Variants in CERS6 observed in about 807,000 individuals in gnomAD.
The protein encoded by CERS6 is ceramide synthase 6, also known as LAG1 homolog, ceramide synthase 6.
A neutral mutation model predicts 56.8 loss-of-function variants in CERS6; 26 were observed. The observed-to-expected ratio is 0.46, with a 90% CI of 0.34 to 0.63. The LOEUF (loss-of-function observed/expected upper bound fraction) is 0.63, where lower values mean the gene tolerates loss of function less well. Among genes scored for constraint, CERS6 ranks in the 30% least tolerant of loss-of-function variants. CERS6 has a pLI of 0.01. For missense variants in CERS6, 415 were observed against 467.5 expected, an observed-to-expected ratio of 0.89 and a Z score of 1.04; for synonymous variants, 164 against 173.3, an observed-to-expected ratio of 0.95 and a Z score of 0.42.
intron 1 of CERS6, among the ~76,000 whole-genome samples, chr2:168,512,669 CTTT>C (rs35756766): frequency 3.1e-5 from 4 of 131,016 alleles, no homozygotes; most frequent in Admixed American, 7.6e-5. Flanking sequence ...ATTTTCTTTT[CTTT>C]TTTTTTTTTT....
intron 3 of CERS6, among the ~76,000 whole-genome samples, chr2:168,587,438 C>A (rs1683570430): frequency 2.0e-5 from 3 of 152,166 alleles, no homozygotes; most frequent in Admixed American, 2.0e-4. Flanking sequence ...TACACCAATT[C>A]AGGAGCCAGA....
intron 3 of CERS6, among the ~76,000 whole-genome samples, chr2:168,574,791 G>T (rs1455954257): frequency 6.6e-6 from 1 of 152,140 alleles, no homozygotes; most frequent in Non-Finnish European, 1.5e-5. Context: ...GTATACATTA[G>T]TACCATGCCT....
intron 2 of CERS6, among the ~76,000 whole-genome samples, chr2:168,551,398 C>G (rs182616877): frequency 3.3e-5 from 5 of 152,254 alleles, no homozygotes; most frequent in Admixed American, 2.6e-4. Context: ...CCAGTTACAC[C>G]TGGATATTTG....
chr2:168,548,694 C>T (rs1695510395), intron 2 of CERS6, among the ~76,000 whole-genome samples: 1 of 152,216 alleles, frequency 6.6e-6, no homozygotes, highest in African/African-American at 2.4e-5. Context: ...TACTAGCTAT[C>T]TCGTCTTACA....
intron 8 of CERS6, among the ~76,000 whole-genome samples, chr2:168,739,993 GC>G (rs374984438): frequency 1.1e-4 from 16 of 152,018 alleles, no homozygotes; most frequent in African/African-American, 3.9e-4. Context: ...GAGTCACTGC[GC>G]CCAGCCTGGA....
chr2:168,477,206 A>G (rs949594839), intron 1 of CERS6, among the ~76,000 whole-genome samples: 1 of 148,022 alleles, frequency 6.8e-6, no homozygotes, highest in Non-Finnish European at 1.5e-5. Context: ...AGAGAGAGAG[A>G]GAGAGAGAGA....
chr2:168,697,384 A>G (rs1003695963), intron 6 of CERS6, among the ~76,000 whole-genome samples: 32 of 152,178 alleles, frequency 2.1e-4, no homozygotes, highest in African/African-American at 7.7e-4. Context: ...TCTGTCCTAC[A>G]TGAGGGAGCC....
At chr2:168,663,779 AT>A (rs898855803) in intron 4 of CERS6, among the ~76,000 whole-genome samples, 4 of 151,430 alleles carry the variant, frequency 2.6e-5, no homozygotes, top group African/African-American at 9.7e-5. Context: ...TTTAAAAAAA[AT>A]CTCTAAATTT....
intron 1 of CERS6, among the ~76,000 whole-genome samples, chr2:168,467,171 G>T (rs954360302): frequency 6.6e-6 from 1 of 152,212 alleles, no homozygotes; most frequent in African/African-American, 2.4e-5. Flanking sequence ...AGTTAAGAGT[G>T]GGGGAGGGTG....
intron 3 of CERS6, among the ~76,000 whole-genome samples, chr2:168,606,652 A>G (rs80244886): frequency 0.03 from 4,503 of 152,202 alleles, 199 homozygotes; most frequent in African/African-American, 0.097. Flanking sequence ...TGTGAGAAAA[A>G]CATGAGATTT....
At chr2:168,752,787 G>T (rs1684312885) in intron 8 of CERS6, among the ~76,000 whole-genome samples, 1 of 152,210 alleles carries the variant, frequency 6.6e-6, no homozygotes, top group South Asian at 2.1e-4. Flanking sequence ...TCAAGGCCTT[G>T]TATCCTTCAT....
intron 4 of CERS6, among the ~76,000 whole-genome samples, chr2:168,654,547 A>C (rs1685422941): frequency 6.6e-6 from 1 of 151,886 alleles, no homozygotes; most frequent in African/African-American, 2.4e-5. Context: ...CTGTCTCAAA[A>C]AAACAAAACA....
intron 1 of CERS6, among the ~76,000 whole-genome samples, chr2:168,489,921 T>C (rs193140212): frequency 1.3e-5 from 2 of 152,312 alleles, no homozygotes; most frequent in Admixed American, 6.5e-5. Context: ...GTGTATGTTA[T>C]GTGGTATAGA....
At chr2:168,530,395 C>T (rs553518618) in intron 1 of CERS6, among the ~76,000 whole-genome samples, 4 of 152,332 alleles carry the variant, frequency 2.6e-5, no homozygotes, top group African/African-American at 9.6e-5. Context: ...TGTAATTTTA[C>T]AAGTACCACA....
At chr2:168,601,359 A>C (rs1449905262) in intron 3 of CERS6, among the ~76,000 whole-genome samples, 1 of 152,122 alleles carries the variant, frequency 6.6e-6, no homozygotes, top group Non-Finnish European at 1.5e-5. Context: ...ATTTAAATTA[A>C]ACTTAATTTG....
chr2:168,538,602 C>T (rs1158120852), intron 1 of CERS6, among the ~76,000 whole-genome samples: 4 of 152,182 alleles, frequency 2.6e-5, no homozygotes, highest in Non-Finnish European at 5.9e-5. Context: ...GCACTTCTCA[C>T]CATCTGGCAT....
chr2:168,582,883 T>A (rs1033723886), intron 3 of CERS6: 4 of 154,298 alleles, frequency 2.6e-5, no homozygotes, highest in African/African-American at 9.6e-5. Context: ...TGTACAGTTA[T>A]GGTATAGAGG....
intron 4 of CERS6, among the ~76,000 whole-genome samples, chr2:168,662,731 T>TCAAA (rs148658074): frequency 0.05 from 7,653 of 151,988 alleles, 509 homozygotes; most frequent in African/African-American, 0.15. Context: ...AAACCCTGTC[T>TCAAA]CAAACAAACA....
At chr2:168,625,397 A>C (rs1343596256) in intron 3 of CERS6, among the ~76,000 whole-genome samples, 1 of 152,150 alleles carries the variant, frequency 6.6e-6, no homozygotes, top group Non-Finnish European at 1.5e-5. Context: ...CAGTTCCTGG[A>C]AGTAGTTGAT....
Sources: allele counts gnomAD v4.1 joint callset (sites outside exome capture counted in the v4.1 genomes callset), GRCh38; gene constraint gnomAD v4.1.1; transcripts MANE v1.5; gene names NCBI Gene and HGNC (gene_info 2026-07-23, HGNC 2026-07-21).